The following SPDYE18 variants were observed in gnomAD, a reference collection of about 807,000 sequenced individuals.
The protein encoded by SPDYE18 is speedy protein E18.
A neutral mutation model predicts 44.9 loss-of-function variants in SPDYE18; 6 were observed. That is an observed-to-expected ratio of 0.13 (90% CI 0.07 to 0.26). SPDYE18 has a LOEUF of 0.26. SPDYE18 is among the 10% of genes least tolerant of loss of function. The pLI is 1.00. For synonymous variants in SPDYE18, 35 were observed against 177.1 expected (o/e 0.20, Z 6.37); for missense variants, 121 against 463.2 (o/e 0.26, Z 6.78).
chr7:77,051,936 G>T (rs1159978714), intron 8 of SPDYE18, among the ~76,000 whole-genome samples, 57 bp from the exon 9 acceptor site: 1 of 148,162 alleles, frequency 6.7e-6, no homozygotes, highest in Admixed American at 6.8e-5. Context: ...AGACAGGAAG[G>T]TTATTCACGT....
At chr7:77,059,951 G>A (rs1378257831) in intron 2 of SPDYE18, among the ~76,000 whole-genome samples, 1 of 148,018 alleles carries the variant, frequency 6.8e-6, no homozygotes, top group Non-Finnish European at 1.5e-5. Context: ...CACCCAGCCT[G>A]AATTTCTCCA....
rs1199793029 is a variant in SPDYE18, at chr7:77,058,641, G to T, written c.379+539C>A. ...CCTGTCTCAGCCTCCCGAGTAGCTG[G>T]GATAACAGGCATGCCTGGCTAATTT... On this transcript the variant is annotated intron_variant, in intron 3 of 8. Transcript: ENST00000510091. Among the ~76,000 whole-genome samples the T allele has an allele frequency of 4.7e-5, 7 of 148,586 alleles. No individual in the cohort carries two copies. The East Asian group carries it at 1.4e-3, about 30-fold the overall frequency.
At chr7:77,058,082 C>T (rs1309825742) in intron 3 of SPDYE18, among the ~76,000 whole-genome samples, 1 of 126,812 alleles carries the variant, frequency 7.9e-6, no homozygotes, top group Admixed American at 8.9e-5. Flanking sequence ...AACACTTCCT[C>T]ATATCCTTCC....
chr7:77,056,866 C>G (rs1204434084), intron 4 of SPDYE18, among the ~76,000 whole-genome samples: 30 of 150,182 alleles, frequency 2.0e-4, no homozygotes, highest in Non-Finnish European at 3.6e-4. Flanking sequence ...AGCCAGGACC[C>G]CCTCCAGCAG....
In SPDYE18 at chr7:77,050,444, G is replaced by C. The variant is rs662764; in HGVS notation, c.*1481C>G. Among the ~76,000 whole-genome samples the C allele has an allele frequency of 0.096, 7,465 of 77,582 alleles. No individual in the cohort carries two copies. Among genetic ancestry groups the C allele is most frequent in the Middle Eastern group, 0.27 (40 of 150 alleles). 50.9% of individuals were successfully genotyped at this position (77,582 alleles called of 152,430 possible). ...TCATTTTTATTATGTTTCCACAAGA[G>C]ACGCACTCTATTGTTCTCTTGAAAA... On this transcript the variant is annotated 3_prime_UTR_variant, in exon 9 of 9. Coordinates refer to ENST00000510091, the MANE Select transcript of SPDYE18 (RefSeq NM_001394953.1).
At chr7:77,057,344 T>G (rs1004464341) in intron 4 of SPDYE18, among the ~76,000 whole-genome samples, 17 of 152,018 alleles carry the variant, frequency 1.1e-4, no homozygotes, top group Non-Finnish European at 1.0e-4. Context: ...CTCAAAGTCC[T>G]GAGTTCAAGC....
In SPDYE18 at chr7:77,050,985, T is replaced by C. The variant is rs1789779725; in HGVS notation, c.*940A>G. Among the ~76,000 whole-genome samples, 1 of 151,568 alleles carries C rather than the reference T, an allele frequency of 6.6e-6. No homozygotes were observed. The highest frequency in any genetic ancestry group is 6.6e-5 in the Admixed American group (1 of 15,222). ...ACCCATGTTTTTCAAAATAAACCAA[T>C]AAATTAGATAGTATGTATTAGACGT... On this transcript the variant is annotated 3_prime_UTR_variant, in exon 9 of 9. Coordinates refer to ENST00000510091, the MANE Select transcript of SPDYE18 (RefSeq NM_001394953.1).
At chr7:77,053,818 G>A (rs1789865553) in intron 6 of SPDYE18, among the ~76,000 whole-genome samples, 2 of 149,532 alleles carry the variant, frequency 1.3e-5, no homozygotes, top group East Asian at 2.1e-4. Flanking sequence ...CAGCCTGAGA[G>A]GCAGAGCAAG....
At chr7:77,054,974 G>A (rs1255127909) in intron 6 of SPDYE18, among the ~76,000 whole-genome samples, 4 of 152,182 alleles carry the variant, frequency 2.6e-5, no homozygotes, top group Non-Finnish European at 5.9e-5. Context: ...GGCCATGTTG[G>A]CCAGGCTGGT....
intron 4 of SPDYE18, among the ~76,000 whole-genome samples, chr7:77,057,041 A>G (rs1789934398): frequency 6.6e-6 from 1 of 150,456 alleles, no homozygotes; most frequent in African/African-American, 2.4e-5. Context: ...CACAGCTGAA[A>G]CCACTTTCTT....
rs1342863166 is a variant in SPDYE18, at chr7:77,051,531, C to T, written c.*394G>A. Among the ~76,000 whole-genome samples, 2 of 152,276 alleles carry T rather than the reference C, an allele frequency of 1.3e-5. No individual in the cohort carries two copies. Among genetic ancestry groups the T allele is most frequent in the African/African-American group, 4.8e-5 (2 of 41,484 alleles). On this transcript the variant is annotated 3_prime_UTR_variant, in exon 9 of 9. Transcript: ENST00000510091. ...CCCCTGCATTGTGCCTTCAAATGCT[C>T]CTGGACTGTGGCAACCAAGTCTGTA...
chr7:77,054,437 G>A (rs1385362293), intron 6 of SPDYE18, among the ~76,000 whole-genome samples: 1 of 148,852 alleles, frequency 6.7e-6, no homozygotes, highest in African/African-American at 2.5e-5. Flanking sequence ...TGAGGTTGTC[G>A]TGCTTTGGAA....
chr7:77,058,116 C>CTTTTTTTTTTTT (rs375559743), intron 3 of SPDYE18, among the ~76,000 whole-genome samples: 29 of 62,190 alleles, frequency 4.7e-4, no homozygotes, highest in Non-Finnish European at 6.3e-4. Context: ...CTCTGAGTCT[C>CTTTTTTTTTTTT]TTTTTTTTTT....
Position 77,053,014 on chromosome 7 carries a change from C to G in SPDYE18, c.945G>C (p.Gln315His), listed in dbSNP as rs1789841197. 6.2e-7 allele frequency: 1 copy of G among 1,613,416 alleles called. No individual in the cohort carries two copies. Among genetic ancestry groups the G allele is most frequent in the African/African-American group, 1.3e-5 (1 of 74,938 alleles). Residue 315 changes from glutamine to histidine, a missense_variant, in exon 7 of 9, where the codon CAG (glutamine) becomes CAC (histidine). Coordinates refer to ENST00000510091, the MANE Select transcript of SPDYE18 (RefSeq NM_001394953.1). ...CCCTGCCGCTCATGGAACAGAAGAACTGGAACCGAAGTTTCTGGAACAGGG... is the reference window on the plus strand; with the variant it reads ...CCCTGCCGCTCATGGAACAGAAGAAGTGGAACCGAAGTTTCTGGAACAGGG... The part of the protein sequence containing the change: ...QIALFQKLRF[Q>H]FFCSMSGRAW...
intron 6 of SPDYE18, among the ~76,000 whole-genome samples, chr7:77,053,927 T>C (rs1789868242): frequency 6.8e-6 from 1 of 146,814 alleles, no homozygotes; most frequent in Admixed American, 7.2e-5. Flanking sequence ...GGAGGATCGC[T>C]TGAGCCCAGG....
chr7:77,055,672 C>T lies in SPDYE18; in HGVS notation c.670-351G>A, dbSNP rs1398804256. 8.2e-4 allele frequency among the ~76,000 whole-genome samples: 49 copies of T among 59,988 alleles called. 21 individuals are homozygous for T. In the East Asian group the frequency reaches 0.039, roughly 48 times the overall value. 39.4% of individuals were successfully genotyped at this position (59,988 alleles called of 152,430 possible). ...AGAGGGGCCAGGAGCTTCAGGGCTG[C>T]AGCCAGACTGTGGCCCAGGGCTCAG... On this transcript the variant is annotated intron_variant, in intron 5 of 8. Coordinates refer to ENST00000510091, the MANE Select transcript of SPDYE18 (RefSeq NM_001394953.1).
intron 4 of SPDYE18, among the ~76,000 whole-genome samples, chr7:77,057,045 CTTTCTTTG>C (rs1789934751): frequency 1.6e-5 from 2 of 122,208 alleles, no homozygotes; most frequent in African/African-American, 2.5e-5. Context: ...GCTGAAACCA[CTTTCTTTG>C]TTTATTGATT....
intron 6 of SPDYE18, among the ~76,000 whole-genome samples, chr7:77,053,800 C>T (rs545010719): frequency 3.1e-4 from 47 of 151,222 alleles, no homozygotes; most frequent in African/African-American, 1.1e-3. Flanking sequence ...GATTGGGCCA[C>T]TCCATTCCAG....
chr7:77,055,632 C>CG (rs1415813112), intron 5 of SPDYE18, among the ~76,000 whole-genome samples: 15 of 56,412 alleles, frequency 2.7e-4, no homozygotes, highest in East Asian at 8.6e-4. Context: ...AGAACTGTCC[C>CG]AAGGAGCTGA....
Sources: allele counts gnomAD v4.1 joint callset (sites outside exome capture counted in the v4.1 genomes callset), GRCh38; gene constraint gnomAD v4.1.1; transcripts MANE v1.5; gene names NCBI Gene and HGNC (gene_info 2026-07-23, HGNC 2026-07-21).